Variants in PACSIN1 observed in about 807,000 individuals in gnomAD.
The protein encoded by PACSIN1 is protein kinase C and casein kinase substrate in neurons 1, also known as protein kinase C and casein kinase substrate in neurons protein 1.
PACSIN1 carries 15 observed loss-of-function variants against 59.5 expected under a neutral mutation model. The observed-to-expected ratio is 0.25, with a 90% confidence interval of 0.17 to 0.39. The LOEUF is 0.39. Ranked by LOEUF, PACSIN1 falls within the 10% of genes least tolerant of loss-of-function variation. The pLI is 1.00. For missense variants in PACSIN1, 420 were observed against 580.2 expected (o/e 0.72, Z 2.84); for synonymous variants, 210 against 220.6 (o/e 0.95, Z 0.42).
chr6:34,516,137 G>A lies in PACSIN1; in HGVS notation c.-63-10106G>A, dbSNP rs964766613. ...CCCTTCTCCACCTGCTTTCTCTCCC[G>A]CACCCCCTGAGAGCCCAGCTGGGTC... is the stretch of plus-strand genomic sequence containing the variant. On this transcript the variant is annotated intron_variant, in intron 1 of 9. Transcript: ENST00000244458. The surrounding 1 kb of genome is among the most constrained non-coding windows in gnomAD (Gnocchi z 5.4). 4.6e-5 allele frequency among the ~76,000 whole-genome samples: 7 copies of A among 152,212 alleles called. No homozygotes were observed. The highest frequency in any genetic ancestry group is 1.3e-4 in the Admixed American group (2 of 15,296).
intron 1 of PACSIN1, among the ~76,000 whole-genome samples, chr6:34,496,345 G>A (rs1236794218): frequency 6.6e-6 from 1 of 152,138 alleles, no homozygotes; most frequent in Non-Finnish European, 1.5e-5. Flanking sequence ...AGGCTACGGT[G>A]GGGGCCTGTC....
chr6:34,514,303 C>G lies in PACSIN1; in HGVS notation c.-63-11940C>G, dbSNP rs1767251215. Among the ~76,000 whole-genome samples, 1 of 151,828 alleles carries G rather than the reference C, an allele frequency of 6.6e-6. No homozygotes were observed. Among genetic ancestry groups the G allele is most frequent in the South Asian group, 2.1e-4 (1 of 4,820 alleles). On this transcript the variant is annotated intron_variant, in intron 1 of 9. Coordinates refer to ENST00000244458, the MANE Select transcript of PACSIN1 (RefSeq NM_020804.5). The surrounding 1 kb of genome is among the most constrained non-coding windows in gnomAD (Gnocchi z 4.4). ...TCGGTGCCGACAGCTAGCCCAGGAACCTTGGACTCTCCAATTCTTTTACAG... is the reference window on the plus strand; with the variant it reads ...TCGGTGCCGACAGCTAGCCCAGGAAGCTTGGACTCTCCAATTCTTTTACAG...
At position 34,526,276 on chromosome 6, in the gene PACSIN1, C is replaced by T. The variant is rs1767479880; in HGVS notation, c.-30C>T. On this transcript the variant is annotated 5_prime_UTR_variant, in exon 2 of 10. Coordinates refer to ENST00000244458, the MANE Select transcript of PACSIN1 (RefSeq NM_020804.5). ...CAGCCGAGCCTGCTAACCGCAGCTC[C>T]GCACTTGTCCATCCCCCTGCGGCTA... The T allele has an allele frequency of 1.9e-6, 3 of 1,600,982 alleles. No homozygotes were observed. The highest frequency in any genetic ancestry group is 2.6e-6 in the Non-Finnish European group (3 of 1,171,414).
chr6:34,527,541 A>G, intron 3 of PACSIN1, 53 bp downstream of exon 3: 1 of 1,501,990 alleles, frequency 6.7e-7, no homozygotes, highest in Non-Finnish European at 8.9e-7. Flanking sequence ...CGAGCCCCCT[A>G]GGTCTGGGTC....
intron 1 of PACSIN1, among the ~76,000 whole-genome samples, chr6:34,491,523 G>T (rs1766876297): frequency 6.6e-6 from 1 of 152,164 alleles, no homozygotes; most frequent in South Asian, 2.1e-4. Context: ...TTGTGTGCAG[G>T]AGGGTCGCTG....
Position 34,498,074 on chromosome 6 carries a change from T to C in PACSIN1, c.-63-28169T>C, listed in dbSNP as rs144698460. Among the ~76,000 whole-genome samples the C allele has an allele frequency of 1.0e-3, 152 of 152,136 alleles. 2 individuals carry two copies. The highest frequency in any genetic ancestry group is 3.3e-3 in the African/African-American group (137 of 41,496). The stretch of plus-strand genomic sequence containing the variant: ...TTGTTTTGTTTGTTTGTTTGTTTGT[T>C]TGTTTTGAGACGTGGTCTCCCTCTG... On this transcript the variant is annotated intron_variant, in intron 1 of 9. Coordinates refer to ENST00000244458, the MANE Select transcript of PACSIN1 (RefSeq NM_020804.5).
chr6:34,469,732 G>A lies in PACSIN1; in HGVS notation c.-64+3462G>A, dbSNP rs574680583. 3.3e-5 allele frequency among the ~76,000 whole-genome samples: 5 copies of A among 152,310 alleles called. No homozygotes were observed. The South Asian group carries it at 6.2e-4, about 19-fold the overall frequency. ...CCTGAAGCATCTGCCCACTGAGGTC[G>A]CCTGCTGACAGCACCCACCCCCTGG... is the stretch of plus-strand genomic sequence containing the variant. On this transcript the variant is annotated intron_variant, in intron 1 of 9. Transcript: ENST00000244458.
chr6:34,509,833 G>T (rs1178869973), intron 1 of PACSIN1, among the ~76,000 whole-genome samples: 2 of 152,030 alleles, frequency 1.3e-5, no homozygotes, highest in African/African-American at 2.4e-5. Context: ...ATTATAAATA[G>T]AATTGGGTTC....
chr6:34,522,516 C>T (rs1303489818), intron 1 of PACSIN1, among the ~76,000 whole-genome samples: 1 of 152,136 alleles, frequency 6.6e-6, no homozygotes, highest in Non-Finnish European at 1.5e-5. Flanking sequence ...TTAGGCTCCC[C>T]AGAGAGACAG....
In PACSIN1 at chr6:34,521,735, G is replaced by A. The variant is rs1767395753; in HGVS notation, c.-63-4508G>A. ...AGGCAACGGCGGTGGTGGATGGATA[G>A]TAAGCGCCGACACCTGTGGAGAGCT... On this transcript the variant is annotated intron_variant, in intron 1 of 9. Coordinates refer to ENST00000244458, the MANE Select transcript of PACSIN1 (RefSeq NM_020804.5). The surrounding 1 kb of genome is among the most constrained non-coding windows in gnomAD (Gnocchi z 4.3). Among the ~76,000 whole-genome samples, 1 of 152,126 alleles carries A rather than the reference G, an allele frequency of 6.6e-6. No homozygotes were observed. Among genetic ancestry groups the A allele is most frequent in the Admixed American group, 6.5e-5 (1 of 15,278 alleles).
In PACSIN1 at chr6:34,530,450, G is replaced by T. The variant is rs1008594220; in HGVS notation, c.910-10G>T. Reference sequence around the variant, plus strand: ...GTCCCCCAGCCTGACTGCTCCACTGGCCCCACCAGGAGTGGAACCCAGACC... The same window carrying T: ...GTCCCCCAGCCTGACTGCTCCACTGTCCCCACCAGGAGTGGAACCCAGACC... On this transcript the variant is annotated splice_polypyrimidine_tract_variant and intron_variant, in intron 7 of 9. Coordinates refer to ENST00000244458, the MANE Select transcript of PACSIN1 (RefSeq NM_020804.5). This position sits in a 1 kb window ranked among gnomAD's most constrained non-coding sequence, Gnocchi z 4.4. 6.3e-7 allele frequency: 1 copy of T among 1,597,494 alleles called. No individual in the cohort carries two copies. The highest frequency in any genetic ancestry group is 8.5e-7 in the Non-Finnish European group (1 of 1,170,492).
chr6:34,471,256 T>G (rs1328805631), intron 1 of PACSIN1, among the ~76,000 whole-genome samples: 2 of 152,196 alleles, frequency 1.3e-5, no homozygotes, highest in African/African-American at 4.8e-5. Flanking sequence ...CCCTGAATTT[T>G]TATTGACTAA....
At chr6:34,497,123 T>A (rs1392488024) in intron 1 of PACSIN1, among the ~76,000 whole-genome samples, 2 of 151,756 alleles carry the variant, frequency 1.3e-5, no homozygotes, top group Non-Finnish European at 2.9e-5. Context: ...TGATTTTTTT[T>A]ATTTTTAGTA....
chr6:34,483,959 C>T (rs919196572), intron 1 of PACSIN1, among the ~76,000 whole-genome samples: 1 of 152,062 alleles, frequency 6.6e-6, no homozygotes, highest in Non-Finnish European at 1.5e-5. Flanking sequence ...CCTTCAAGGA[C>T]TTTATGGGCT....
At chr6:34,502,373 G>A (rs1767037504) in intron 1 of PACSIN1, among the ~76,000 whole-genome samples, 1 of 152,212 alleles carries the variant, frequency 6.6e-6, no homozygotes, top group Admixed American at 6.5e-5. Flanking sequence ...AGGGAAACAG[G>A]GGAAGGGACA....
chr6:34,518,275 A>C lies in PACSIN1; in HGVS notation c.-63-7968A>C, dbSNP rs561392335. ...AAACGTGCTGCGCACTCCCACCAGG[A>C]GTGTTGCCCACAGAGGAGGCAGCCT... is the stretch of plus-strand genomic sequence containing the variant. On this transcript the variant is annotated intron_variant, in intron 1 of 9. Transcript: ENST00000244458. This position sits in a 1 kb window ranked among gnomAD's most constrained non-coding sequence, Gnocchi z 4.4. 6.6e-6 allele frequency among the ~76,000 whole-genome samples: 1 copy of C among 152,210 alleles called. No homozygotes were observed. The highest frequency in any genetic ancestry group is 1.5e-5 in the Non-Finnish European group (1 of 68,032).
chr6:34,499,770 T>C (rs1436402270), intron 1 of PACSIN1, among the ~76,000 whole-genome samples: 1 of 151,668 alleles, frequency 6.6e-6, no homozygotes, highest in East Asian at 1.9e-4. Context: ...CACTCCAGCC[T>C]GGGCGACACA....
At chr6:34,480,343 G>A (rs1766698698) in intron 1 of PACSIN1, among the ~76,000 whole-genome samples, 1 of 150,242 alleles carries the variant, frequency 6.7e-6, no homozygotes, top group African/African-American at 2.5e-5. Context: ...TCCCACCTCA[G>A]CCTCTCGAGT....
chr6:34,466,613 A>G (rs1186930149), intron 1 of PACSIN1, among the ~76,000 whole-genome samples: 2 of 152,158 alleles, frequency 1.3e-5, no homozygotes, highest in South Asian at 4.1e-4. Context: ...GACTGCTACC[A>G]GAAGGGGTGG....
Sources: gnomAD v4.1 joint callset for allele counts (sites outside exome capture counted in the v4.1 genomes callset) on GRCh38, gnomAD v4.1.1 for gene constraint, Gnocchi (gnomAD v3.1) non-coding constraint, MANE v1.5 for transcripts, NCBI Gene and HGNC (gene_info 2026-07-23, HGNC 2026-07-21) for gene names.